IRF7: variants seen among roughly 807,000 people sequenced by gnomAD.
IRF7 encodes the protein interferon regulatory factor-7H.
Under a neutral mutation model 51.3 loss-of-function variants are expected in IRF7, and 67 were observed. The ratio of observed to expected loss-of-function variants is 1.31; its 90% CI spans 1.07 to 1.60. The LOEUF (loss-of-function observed/expected upper bound fraction) is 1.60. Among genes scored for constraint, IRF7 ranks in the 40% most tolerant of loss-of-function variants. The pLI, the probability that IRF7 is intolerant of heterozygous loss-of-function variation, is 0.00. For synonymous variants in IRF7, 427 were observed against 301.3 expected (o/e 1.42, Z -4.32); for missense variants, 873 against 701.5 (o/e 1.24, Z -2.76).
At position 614,008 on chromosome 11, in the gene IRF7, C is replaced by T; in HGVS notation, c.709G>A (p.Gly237Arg). The T allele has an allele frequency of 1.2e-6, 2 of 1,609,600 alleles. No individual in the cohort carries two copies. Among genetic ancestry groups the T allele is most frequent in the Non-Finnish European group, 1.7e-6 (2 of 1,178,804 alleles). The change falls in exon 7 of 11, where the codon GGG becomes AGG. Residue 237 changes from glycine (G) to arginine (R), a missense_variant. Coordinates refer to ENST00000525445, the MANE Select transcript of IRF7 (RefSeq NM_001572.5). ...GPGLPAGELYGWAVETTPSPG... is the reference protein window; with the variant it reads ...GPGLPAGELYRWAVETTPSPG... ...CTGGGGGTCGTCTCTACTGCCCACCCGTACAGCTCCCCAGCAGGGAGCCCT... is the reference window on the plus strand; with the variant it reads ...CTGGGGGTCGTCTCTACTGCCCACCTGTACAGCTCCCCAGCAGGGAGCCCT...
intron 1 of IRF7, 40 bp from the exon 2 acceptor site, chr11:615,687 C>T (rs1201385504): frequency 2.6e-6 from 1 of 387,686 alleles, no homozygotes; most frequent in Non-Finnish European, 4.6e-6. Context: ...GCGGGTCAGG[C>T]TCCCGGGAAA....
At position 612,744 on chromosome 11, in the gene IRF7, A is replaced by G. The variant is rs1409361221; in HGVS notation, c.1413T>C (p.Ser471=). 1 of 1,612,674 alleles carries G rather than the reference A, an allele frequency of 6.2e-7. No individual in the cohort carries two copies. The highest frequency in any genetic ancestry group is 1.7e-5 in the Admixed American group (1 of 60,008). The stretch of plus-strand genomic sequence containing the variant: ...GGCTGAGGCTGCTGCTATCCAGGGA[A>G]GACACACCCTCACGCTGCGTGCCCT... ...HLEGTQREGV[S]SLDSSSLSLC... Residue 471 remains serine, a synonymous_variant, in exon 11 of 11, where the codon TCT becomes TCC. Coordinates refer to ENST00000525445, the MANE Select transcript of IRF7 (RefSeq NM_001572.5).
Position 613,880 on chromosome 11 carries a change from G to T in IRF7, c.767-15C>A. On this transcript the variant is annotated splice_polypyrimidine_tract_variant and intron_variant, in intron 7 of 10. Coordinates refer to ENST00000525445, the MANE Select transcript of IRF7 (RefSeq NM_001572.5). Reference sequence around the variant, plus strand: ...CGCGGCCTCGCCTGCATCCGGAAGGGAATCCTGTGCTGGCACCTCATCCCT... The same window carrying T: ...CGCGGCCTCGCCTGCATCCGGAAGGTAATCCTGTGCTGGCACCTCATCCCT... 1 of 1,599,038 alleles carries T rather than the reference G, an allele frequency of 6.3e-7. No homozygotes were observed. The highest frequency in any genetic ancestry group is 8.5e-7 in the Non-Finnish European group (1 of 1,173,946).
At position 615,483 on chromosome 11, in the gene IRF7, G is replaced by A. The variant is rs1021789150; in HGVS notation, c.-119C>T. The A allele has an allele frequency of 2.6e-5, 31 of 1,192,516 alleles. No homozygotes were observed. Among genetic ancestry groups the A allele is most frequent in the Middle Eastern group, 2.5e-4 (1 of 4,032 alleles). The allele number at this position is 1,192,516 out of a possible 1,614,324, so 73.9% of individuals were successfully genotyped here. A position where few individuals can be genotyped will look rare whatever the true frequency, so the allele number is the denominator to read the frequency against. ...GGTCGTGTGGCCAGGTGTCACAGGT[G>A]TCCACAGGTGTGGACTGAGGGCTTG... On this transcript the variant is annotated 5_prime_UTR_variant, in exon 2 of 11. Transcript: ENST00000525445.
chr11:613,903 C>G (rs761923695), intron 7 of IRF7, 38 bp from the exon 8 acceptor site: 6 of 1,598,634 alleles, frequency 3.8e-6, no homozygotes, highest in East Asian at 2.3e-5. Flanking sequence ...GCACCTCATC[C>G]CTAGCCTCTC....
rs150912530 is a variant in IRF7 at position 613,820 on chromosome 11, A to G, written c.812T>C (p.Leu271Pro). 9.4e-5 allele frequency: 149 copies of G among 1,580,224 alleles called. No homozygotes were observed. The African/African-American group carries it at 1.8e-3, about 20-fold the overall frequency. The change falls in exon 8 of 11, where the codon CTG (leucine) becomes CCG (proline). Residue 271 changes from leucine (L) to proline (P), a missense_variant. Leu to Pro is a moderately conservative substitution (Grantham distance 98). Coordinates refer to ENST00000525445, the MANE Select transcript of IRF7 (RefSeq NM_001572.5). The part of the protein sequence containing the change: ...PESPHQAEPY[L>P]SPSPSACTAV... ...GGTGCAGGCGCTTGGGGAGGGTGAC[A>G]GGTACGGCTCTGCCTGGTGCGGGGA... is the stretch of plus-strand genomic sequence containing the variant.
chr11:613,468 G>T lies in IRF7; in HGVS notation c.975C>A (p.Asp325Glu). ...GGCTGGGGAATGCTACCTGCTGGGG[G>T]TCTGTGGCCCGGACAGCTGGGTCTG... ...GPPDPAVRAT[D>E]PQQVAFPSPA... Residue 325 changes from aspartate (D) to glutamate (E), a missense_variant, in exon 9 of 11, where the codon GAC becomes GAA. Asp to Glu is a conservative substitution (Grantham distance 45, BLOSUM62 2). Transcript: ENST00000525445. 5 of 1,546,996 alleles carry T rather than the reference G, an allele frequency of 3.2e-6. No individual in the cohort carries two copies. The highest frequency in any genetic ancestry group is 1.2e-5 in the South Asian group (1 of 80,416).
At position 614,998 on chromosome 11, in the gene IRF7, C is replaced by A. The variant is rs1464411215; in HGVS notation, c.193G>T (p.Val65Leu). 6.5e-7 allele frequency: 1 copy of A among 1,543,900 alleles called. No homozygotes were observed. The part of the protein sequence containing the change: ...ADARIFKAWA[V>L]ARGRWPPSSR... ...CTAGGCGGCCACCTGCCGCGGGCCA[C>A]AGCCCAGGCCTGAAGAGGGGGACAG... Residue 65 changes from valine (V) to leucine (L), a missense_variant, in exon 4 of 11, where the codon GTG becomes TTG. Physicochemically the swap from Val to Leu is conservative, Grantham distance 32. Coordinates refer to ENST00000525445, the MANE Select transcript of IRF7 (RefSeq NM_001572.5).
Position 614,470 on chromosome 11 carries a change from G to C in IRF7, c.453+6C>G, listed in dbSNP as rs1267987063. The C allele has an allele frequency of 3.8e-6, 6 of 1,567,096 alleles. No homozygotes were observed. The highest frequency in any genetic ancestry group is 5.2e-6 in the Non-Finnish European group (6 of 1,155,782). The stretch of plus-strand genomic sequence containing the variant: ...CAGGAGGAGAGGCAGGCAGAGAGAA[G>C]GGTACCTGTGGTGGTGGGACAGCTG... On this transcript the variant is annotated splice_donor_region_variant and intron_variant, in intron 5 of 10. Transcript: ENST00000525445.
At chr11:614,618 CTGGCTGTGAACCCTTAGGCTG>C in intron 4 of IRF7, 84 bp from the exon 5 acceptor site, 1 of 1,503,380 alleles carries the variant, frequency 6.7e-7, no homozygotes, top group Non-Finnish European at 9.0e-7. Flanking sequence ...CACCAGCTTC[CTGGCTGTGAACCCTTAGGCTG>C]TGGCCTGAGG....
At chr11:614,127 T>G (rs763859171) in intron 6 of IRF7, 47 bp downstream of exon 6, 1 of 1,585,906 alleles carries the variant, frequency 6.3e-7, no homozygotes, top group Admixed American at 1.7e-5. Flanking sequence ...TCCGTCCAGG[T>G]GCACTGGCCC....
In IRF7 at chr11:612,680, C is replaced by G. The variant is rs750066562; in HGVS notation, c.1477G>C (p.Glu493Gln). Residue 493 changes from glutamate to glutamine, a missense_variant, in exon 11 of 11, where the codon GAG (glutamate) becomes CAG (glutamine). Transcript: ENST00000525445. Reference sequence around the variant, plus strand: ...TGCTCCAGCTCCATAAGGAAGCACTCGATGTCGTCATAGAGGCTGTTGGCG... The same window carrying G: ...TGCTCCAGCTCCATAAGGAAGCACTGGATGTCGTCATAGAGGCTGTTGGCG... Reference protein sequence around the residue: ...SSANSLYDDIECFLMELEQPA With the variant: ...SSANSLYDDIQCFLMELEQPA The G allele has an allele frequency of 2.5e-6, 4 of 1,613,290 alleles. No individual in the cohort carries two copies. Among genetic ancestry groups the G allele is most frequent in the South Asian group, 1.1e-5 (1 of 91,090 alleles).
rs768699608 is a variant in IRF7 at position 612,815 on chromosome 11, C to G, written c.1357-15G>C. Reference sequence around the variant, plus strand: ...CAGGGTTCCAGCTGCCAGGAGGGATCGGGCGTCTGTCAGTGACCCGGCGTG... The same window carrying G: ...CAGGGTTCCAGCTGCCAGGAGGGATGGGGCGTCTGTCAGTGACCCGGCGTG... On this transcript the variant is annotated splice_polypyrimidine_tract_variant and intron_variant, in intron 10 of 10. Transcript: ENST00000525445. 6.3e-7 allele frequency: 1 copy of G among 1,594,572 alleles called. No individual in the cohort carries two copies. Among genetic ancestry groups the G allele is most frequent in the Non-Finnish European group, 8.5e-7 (1 of 1,171,094 alleles).
chr11:615,308 G>A, intron 2 of IRF7, 37 bp downstream of exon 2: 2 of 1,570,304 alleles, frequency 1.3e-6, no homozygotes, highest in Non-Finnish European at 1.7e-6. Context: ...AGGGCGCTCG[G>A]GGACTGGCAT....
Position 614,927 on chromosome 11 carries a change from G to C in IRF7, c.264C>G (p.Arg88=). ...AGCGGAAGTTGGTTTTCCAGCCGGC[G>C]CGCTCCGCAGTCTCAGCCTCGGGGG... ...GPPPEAETAE[R]AGWKTNFRCA... is the part of the protein sequence containing the mutation. Residue 88 remains arginine, a synonymous_variant, in exon 4 of 11, where the codon CGC becomes CGG. Coordinates refer to ENST00000525445, the MANE Select transcript of IRF7 (RefSeq NM_001572.5). The C allele has an allele frequency of 1.3e-6, 2 of 1,582,438 alleles. No homozygotes were observed. The highest frequency in any genetic ancestry group is 1.7e-6 in the Non-Finnish European group (2 of 1,167,068).
chr11:613,889 G>C, intron 7 of IRF7, 24 bp from the exon 8 acceptor site: 1 of 1,598,968 alleles, frequency 6.3e-7, no homozygotes, highest in Admixed American at 1.7e-5. Flanking sequence ...GGAATCCTGT[G>C]CTGGCACCTC....
chr11:612,810 G>A lies in IRF7; in HGVS notation c.1357-10C>T. 2 of 1,599,044 alleles carry A rather than the reference G, an allele frequency of 1.3e-6. No homozygotes were observed. The highest frequency in any genetic ancestry group is 1.1e-5 in the South Asian group (1 of 90,644). On this transcript the variant is annotated splice_polypyrimidine_tract_variant and intron_variant, in intron 10 of 10. Coordinates refer to ENST00000525445, the MANE Select transcript of IRF7 (RefSeq NM_001572.5). Reference sequence around the variant, plus strand: ...ACAGCCAGGGTTCCAGCTGCCAGGAGGGATCGGGCGTCTGTCAGTGACCCG... The same window carrying A: ...ACAGCCAGGGTTCCAGCTGCCAGGAAGGATCGGGCGTCTGTCAGTGACCCG...
In IRF7 at chr11:615,000, G is replaced by C; in HGVS notation, c.191C>G (p.Ala64Gly). 1 of 1,549,120 alleles carries C rather than the reference G, an allele frequency of 6.5e-7. No homozygotes were observed. Among genetic ancestry groups the C allele is most frequent in the Non-Finnish European group, 8.7e-7 (1 of 1,152,596 alleles). ...EADARIFKAW[A>G]VARGRWPPSS... ...AGGCGGCCACCTGCCGCGGGCCACA[G>C]CCCAGGCCTGAAGAGGGGGACAGAA... The change falls in exon 4 of 11, where the codon GCT (alanine) becomes GGT (glycine). Residue 64 changes from alanine (A) to glycine (G), a missense_variant. Ala to Gly is a moderately conservative substitution (Grantham distance 60). Transcript: ENST00000525445.
intron 8 of IRF7, 21 bp from the exon 9 acceptor site, chr11:613,616 G>A (rs1312684152): frequency 4.4e-5 from 65 of 1,481,214 alleles, no homozygotes; most frequent in Non-Finnish European, 5.8e-5. Context: ...ACCAAGCTGT[G>A]AGTGACGGGG....
Sources: gnomAD v4.1 joint callset for allele counts on GRCh38, gnomAD v4.1.1 for gene constraint, MANE v1.5 for transcripts, NCBI Gene and HGNC (gene_info 2026-07-23, HGNC 2026-07-21) for gene names.